Variants in RBFOX1 observed in about 807,000 individuals in gnomAD.
The protein encoded by RBFOX1 is RNA binding fox-1 homolog 1, also known as RNA binding protein fox-1 homolog 1.
A neutral mutation model predicts 57.7 loss-of-function variants in RBFOX1; 8 were observed. The observed-to-expected ratio is 0.14, with a 90% CI of 0.08 to 0.25. RBFOX1 has a LOEUF of 0.25. Among genes scored for constraint, RBFOX1 ranks in the 10% least tolerant of loss-of-function variants. The pLI is 1.00. For missense variants in RBFOX1, 611 were observed against 548.5 expected (o/e 1.11, Z -1.14); for synonymous variants, 326 against 222.4 (o/e 1.47, Z -4.15).
intron 5 of RBFOX1, among the ~76,000 whole-genome samples, chr16:7,567,008 A>T (rs866703832): frequency 6.6e-6 from 1 of 151,834 alleles, no homozygotes; most frequent in Non-Finnish European, 1.5e-5. Flanking sequence ...AATGGTATCA[A>T]CAAAAGTCAC....
intron 2 of RBFOX1, among the ~76,000 whole-genome samples, chr16:6,539,703 C>G (rs1357712696): frequency 1.3e-5 from 2 of 151,962 alleles, no homozygotes; most frequent in Non-Finnish European, 2.9e-5. Flanking sequence ...GAGGCTGAGG[C>G]AGGAGAATTG....
intron 3 of RBFOX1, among the ~76,000 whole-genome samples, chr16:6,839,464 A>G (rs2093337226): frequency 6.6e-6 from 1 of 152,212 alleles, no homozygotes; most frequent in South Asian, 2.1e-4. Flanking sequence ...CTATCTGCTG[A>G]ACAGCTCTGG....
At chr16:5,462,168 CTTTTT>C (rs1250754827) in intron 1 of RBFOX1, among the ~76,000 whole-genome samples, 1 of 40,706 alleles carries the variant, frequency 2.5e-5, no homozygotes. Context: ...TTCTTTCTTT[CTTTTT>C]TTTTTTTTTT....
rs931792011 is a variant in RBFOX1 at position 7,227,558 on chromosome 16, G to C, written c.27+175460G>C. Among the ~76,000 whole-genome samples, 3 of 152,146 alleles carry C rather than the reference G, an allele frequency of 2.0e-5. No homozygotes were observed. In the East Asian group the frequency reaches 5.8e-4, roughly 29 times the overall value. ...AGTGGTTTCCCTGGGGGCAGCTTTC[G>C]GAGTCCGAAAGCATTGACTGAAATG... On this transcript the variant is annotated intron_variant, in intron 4 of 15. Transcript: ENST00000550418.
chr16:7,536,016 C>G (rs547403768), intron 5 of RBFOX1, among the ~76,000 whole-genome samples: 1 of 152,090 alleles, frequency 6.6e-6, no homozygotes, highest in African/African-American at 2.4e-5. Context: ...TACAGTCTAC[C>G]GTAACACAGA....
chr16:5,903,741 C>T (rs574112525), intron 4 of RBFOX1, among the ~76,000 whole-genome samples: 2 of 152,270 alleles, frequency 1.3e-5, no homozygotes, highest in East Asian at 3.9e-4. Flanking sequence ...CCTCCCACCC[C>T]ACAAACACTA....
chr16:7,155,095 C>T (rs926356472), intron 4 of RBFOX1, among the ~76,000 whole-genome samples: 7 of 152,120 alleles, frequency 4.6e-5, no homozygotes, highest in African/African-American at 1.7e-4. Context: ...AATGCAAACT[C>T]TCCAAAGCCT....
intron 5 of RBFOX1, among the ~76,000 whole-genome samples, chr16:7,562,924 G>A (rs569597555): frequency 6.6e-6 from 1 of 152,328 alleles, no homozygotes; most frequent in East Asian, 1.9e-4. Flanking sequence ...ACTGGCCTGA[G>A]TTTTAACAAC....
chr16:7,280,463 G>A (rs1464561676), intron 4 of RBFOX1, among the ~76,000 whole-genome samples: 1 of 152,210 alleles, frequency 6.6e-6, no homozygotes, highest in African/African-American at 2.4e-5. Flanking sequence ...ATAATAAGGT[G>A]TTGGTAGATA....
At chr16:5,243,307 A>C (rs187798900) in intron 1 of RBFOX1, among the ~76,000 whole-genome samples, 1 of 152,120 alleles carries the variant, frequency 6.6e-6, no homozygotes, top group African/African-American at 2.4e-5. Context: ...AACTCACTGG[A>C]GTCACTGAAA....
At chr16:6,584,523 A>G (rs1241902455) in intron 2 of RBFOX1, among the ~76,000 whole-genome samples, 1 of 151,550 alleles carries the variant, frequency 6.6e-6, no homozygotes, top group Non-Finnish European at 1.5e-5. Flanking sequence ...CTTCCCCACC[A>G]CACCCAGCTA....
At chr16:7,036,487 G>C (rs1402815784) in intron 3 of RBFOX1, among the ~76,000 whole-genome samples, 2 of 151,948 alleles carry the variant, frequency 1.3e-5, no homozygotes, top group Non-Finnish European at 2.9e-5. Context: ...GAGGCAGGCG[G>C]ATTACAAGGG....
chr16:6,943,788 CAT>C lies in RBFOX1; in HGVS notation c.-15-108267_-15-108266del, dbSNP rs77343402. The stretch of plus-strand genomic sequence containing the variant: ...TCCCAGCAGCTGAACTTCAACCACT[CAT>C]AGACTGTTAAGTGTTCAAAAACTGT... On this transcript the variant is annotated intron_variant, in intron 3 of 15. Transcript: ENST00000550418. Among the ~76,000 whole-genome samples, 334 of 151,944 alleles carry C rather than the reference CAT, an allele frequency of 2.2e-3. 1 individual carries two copies. Among genetic ancestry groups the C allele is most frequent in the East Asian group, 0.013 (69 of 5,166 alleles).
intron 2 of RBFOX1, among the ~76,000 whole-genome samples, chr16:5,574,767 A>G (rs2046399170): frequency 6.6e-6 from 1 of 152,006 alleles, no homozygotes; most frequent in Admixed American, 6.6e-5. Flanking sequence ...TCTGAGGTCC[A>G]TTTCTCGGGA....
intron 3 of RBFOX1, among the ~76,000 whole-genome samples, chr16:6,968,558 G>A (rs960743583): frequency 1.3e-5 from 2 of 152,082 alleles, no homozygotes; most frequent in African/African-American, 2.4e-5. Context: ...AAGTCTGGCA[G>A]GGAAAGTCTC....
intron 1 of RBFOX1, among the ~76,000 whole-genome samples, chr16:6,118,984 C>G (rs1269792878): frequency 6.6e-6 from 1 of 150,882 alleles, no homozygotes; most frequent in Non-Finnish European, 1.5e-5. Context: ...TTAGTTCCCT[C>G]CAGTCTGTGA....
At chr16:5,989,536 C>T (rs1056499296) in intron 4 of RBFOX1, among the ~76,000 whole-genome samples, 1 of 152,028 alleles carries the variant, frequency 6.6e-6, no homozygotes, top group East Asian at 1.9e-4. Flanking sequence ...GGGGCAAGAA[C>T]CTGAGACTCT....
chr16:5,579,790 C>T (rs770932512), intron 2 of RBFOX1, among the ~76,000 whole-genome samples: 11 of 149,980 alleles, frequency 7.3e-5, no homozygotes, highest in South Asian at 2.1e-4. Flanking sequence ...GAAGGAGTCT[C>T]GCTCTGTTGC....
chr16:7,248,076 G>C (rs2094374861), intron 4 of RBFOX1, among the ~76,000 whole-genome samples: 1 of 152,212 alleles, frequency 6.6e-6, no homozygotes, highest in Admixed American at 6.5e-5. Context: ...ATATGGTTCT[G>C]GAAGGAAGAA....
Sources: gnomAD v4.1 joint callset for allele counts (sites outside exome capture counted in the v4.1 genomes callset) on GRCh38, gnomAD v4.1.1 for gene constraint, MANE v1.5 for transcripts, NCBI Gene and HGNC (gene_info 2026-07-23, HGNC 2026-07-21) for gene names.